MGMT: variants seen among roughly 807,000 people sequenced by gnomAD.
MGMT encodes the protein methylated-DNA--protein-cysteine methyltransferase.
A neutral mutation model predicts 15.9 loss-of-function variants in MGMT; 14 were observed. That is an observed-to-expected ratio of 0.88 (90% confidence interval 0.58 to 1.37). The LOEUF is 1.37. Among genes scored for constraint, MGMT ranks in the 40% most tolerant of loss-of-function variants. The probability of loss-of-function intolerance (pLI) is 0.00; values close to 1 mark genes in which losing one functional copy is unlikely to be tolerated. For synonymous variants in MGMT, 130 were observed against 118.2 expected, an observed-to-expected ratio of 1.10 and a Z score of -0.65; for missense variants, 282 against 268.1, an observed-to-expected ratio of 1.05 and a Z score of -0.36.
intron 2 of MGMT, among the ~76,000 whole-genome samples, chr10:129,643,753 C>T (rs1374113075): frequency 3.3e-5 from 5 of 152,224 alleles, no homozygotes; most frequent in Non-Finnish European, 7.3e-5. Context: ...CAGCAGTCCT[C>T]TCTTTGGTCT....
At chr10:129,594,719 G>A (rs992532855) in intron 2 of MGMT, among the ~76,000 whole-genome samples, 4 of 152,216 alleles carry the variant, frequency 2.6e-5, no homozygotes, top group Non-Finnish European at 5.9e-5. Flanking sequence ...AGAATCCTTG[G>A]AGGGTTCTCT....
At chr10:129,757,168 G>T (rs1362242971) in intron 3 of MGMT, among the ~76,000 whole-genome samples, 1 of 152,222 alleles carries the variant, frequency 6.6e-6, no homozygotes, top group Non-Finnish European at 1.5e-5. Flanking sequence ...TTAAGAAATG[G>T]TTTCCCATGA....
chr10:129,520,436 C>A (rs750332758), intron 1 of MGMT, among the ~76,000 whole-genome samples: 17 of 152,056 alleles, frequency 1.1e-4, no homozygotes, highest in South Asian at 2.1e-4. Flanking sequence ...ATACAGAGCC[C>A]CTATGGTGCG....
At chr10:129,593,116 T>G (rs1001206028) in intron 2 of MGMT, among the ~76,000 whole-genome samples, 3 of 152,052 alleles carry the variant, frequency 2.0e-5, no homozygotes, top group African/African-American at 7.2e-5. Flanking sequence ...CCCCAAGCCG[T>G]TTCTTCTCAG....
At chr10:129,571,146 G>GTTAA (rs2133039149) in intron 2 of MGMT, among the ~76,000 whole-genome samples, 1 of 152,270 alleles carries the variant, frequency 6.6e-6, no homozygotes, top group South Asian at 2.1e-4. Context: ...TTCAAAGGGG[G>GTTAA]TTTTAAAGAA....
intron 2 of MGMT, among the ~76,000 whole-genome samples, chr10:129,681,557 C>T (rs1847852971): frequency 1.3e-5 from 2 of 152,164 alleles, no homozygotes; most frequent in Non-Finnish European, 2.9e-5. Context: ...AAAAAGAGAA[C>T]AGAGACAAGT....
chr10:129,765,121 A>G (rs1201783900), intron 4 of MGMT, among the ~76,000 whole-genome samples: 1 of 152,042 alleles, frequency 6.6e-6, no homozygotes, highest in Non-Finnish European at 1.5e-5. Flanking sequence ...GCTTTGCACG[A>G]TGATGAGGCA....
At chr10:129,765,878 C>T (rs1848927978) in intron 4 of MGMT, among the ~76,000 whole-genome samples, 1 of 152,130 alleles carries the variant, frequency 6.6e-6, no homozygotes, top group Non-Finnish European at 1.5e-5. Context: ...ACAGCACCTG[C>T]CCCCACCCAC....
chr10:129,726,740 A>G (rs879890105), intron 3 of MGMT, among the ~76,000 whole-genome samples: 2 of 152,034 alleles, frequency 1.3e-5, no homozygotes, highest in Non-Finnish European at 2.9e-5. Context: ...CTCTTCCCCT[A>G]CTCCATAATA....
chr10:129,706,503 G>A (rs889295107), intron 2 of MGMT, among the ~76,000 whole-genome samples: 5 of 152,194 alleles, frequency 3.3e-5, no homozygotes, highest in African/African-American at 4.8e-5. Flanking sequence ...GTGCAGTGAC[G>A]TTTCCCACCT....
chr10:129,742,998 G>T (rs997257106), intron 3 of MGMT, among the ~76,000 whole-genome samples: 1 of 106,164 alleles, frequency 9.4e-6, no homozygotes, highest in Admixed American at 1.2e-4. Context: ...GGTGGTAAAC[G>T]ATAAAAAAAC....
At chr10:129,756,278 C>G (rs1053916454) in intron 3 of MGMT, among the ~76,000 whole-genome samples, 2 of 152,078 alleles carry the variant, frequency 1.3e-5, no homozygotes, top group Non-Finnish European at 2.9e-5. Context: ...GAAGCCCAGC[C>G]CAAGGTACCC....
chr10:129,621,282 C>T (rs1350523287), intron 2 of MGMT, among the ~76,000 whole-genome samples: 1 of 152,236 alleles, frequency 6.6e-6, no homozygotes, highest in East Asian at 1.9e-4. Flanking sequence ...CCACAGTGAA[C>T]TTCCATTTGC....
intron 1 of MGMT, among the ~76,000 whole-genome samples, chr10:129,518,325 G>GACACACACACACACACACACAC (rs1293188269): frequency 2.3e-5 from 2 of 88,066 alleles, no homozygotes; most frequent in African/African-American, 4.5e-5. Context: ...TGTGTGTACA[G>GACACACACACACACACACACAC]ATACACACAC....
intron 2 of MGMT, among the ~76,000 whole-genome samples, chr10:129,609,922 G>A (rs1285349084): frequency 1.3e-5 from 2 of 152,142 alleles, no homozygotes; most frequent in Non-Finnish European, 2.9e-5. Context: ...AGAAAGGAGG[G>A]TGGAAGTGCA....
intron 2 of MGMT, chr10:129,701,497 G>C (rs1848099159): frequency 6.6e-6 from 1 of 152,170 alleles, no homozygotes. Context: ...CTGGGGAGTA[G>C]AATTCATTCA....
chr10:129,472,032 C>T (rs772801706), intron 1 of MGMT, among the ~76,000 whole-genome samples: 1 of 152,210 alleles, frequency 6.6e-6, no homozygotes, highest in South Asian at 2.1e-4. Context: ...TACAAACACA[C>T]GCGAAGCACG....
At chr10:129,748,884 A>G (rs1293237793) in intron 3 of MGMT, among the ~76,000 whole-genome samples, 1 of 152,180 alleles carries the variant, frequency 6.6e-6, no homozygotes, top group African/African-American at 2.4e-5. Flanking sequence ...CCCAGTATAC[A>G]TATAGAATAG....
At chr10:129,638,547 A>G (rs1290468749) in intron 2 of MGMT, among the ~76,000 whole-genome samples, 1 of 152,088 alleles carries the variant, frequency 6.6e-6, no homozygotes, top group African/African-American at 2.4e-5. Flanking sequence ...AACAACACAT[A>G]TAAAGAACCA....
Sources: gnomAD v4.1 joint callset for allele counts (sites outside exome capture counted in the v4.1 genomes callset) on GRCh38, gnomAD v4.1.1 for gene constraint, MANE v1.5 for transcripts, NCBI Gene and HGNC (gene_info 2026-07-23, HGNC 2026-07-21) for gene names.